ZFR2: variants seen among roughly 807,000 people sequenced by gnomAD.
ZFR2 encodes zinc finger RNA binding protein 2.
A neutral mutation model predicts 105.7 loss-of-function variants in ZFR2; 104 were observed. That is an observed-to-expected ratio of 0.98 (90% CI 0.84 to 1.16). The LOEUF (loss-of-function observed/expected upper bound fraction) is 1.16, where lower values mean the gene tolerates loss of function less well. ZFR2 is among the 50% of genes most tolerant of loss of function. The probability of loss-of-function intolerance (pLI) is 0.00; values close to 1 mark genes in which losing one functional copy is unlikely to be tolerated. For missense variants in ZFR2, 1,425 were observed against 1,355.5 expected, an observed-to-expected ratio of 1.05 and a Z score of -0.80; for synonymous variants, 634 against 597.7, an observed-to-expected ratio of 1.06 and a Z score of -0.89.
intron 3 of ZFR2, among the ~76,000 whole-genome samples, chr19:3,832,129 A>C (rs150576490): frequency 2.6e-5 from 4 of 152,060 alleles, no homozygotes; most frequent in Non-Finnish European, 5.9e-5. Flanking sequence ...GCTCCTCTGC[A>C]TCTCCAGCTC....
At chr19:3,857,258 T>C (rs1044973583) in intron 1 of ZFR2, among the ~76,000 whole-genome samples, 2 of 151,738 alleles carry the variant, frequency 1.3e-5, no homozygotes, top group Non-Finnish European at 2.9e-5. Flanking sequence ...CAGCGGAATC[T>C]CCCACTTTTA....
Position 3,838,616 on chromosome 19 carries a change from AG to A in ZFR2, c.54-3634del, listed in dbSNP as rs1458909150. ...CCATCTCCTGCTCAAAGCCCTCCCA[AG>A]GCCCTGCCACAGCCACATCCCACCG... On this transcript the variant is annotated intron_variant, in intron 1 of 18. Transcript: ENST00000262961. This position sits in a 1 kb window ranked among gnomAD's most constrained non-coding sequence, Gnocchi z 4.9. Among the ~76,000 whole-genome samples the A allele has an allele frequency of 6.6e-6, 1 of 152,018 alleles. No homozygotes were observed. The highest frequency in any genetic ancestry group is 6.6e-5 in the Admixed American group (1 of 15,240).
chr19:3,841,116 G>A (rs1213579439), intron 1 of ZFR2, among the ~76,000 whole-genome samples: 1 of 152,194 alleles, frequency 6.6e-6, no homozygotes, highest in African/African-American at 2.4e-5. Context: ...GGCAAAAGGC[G>A]ACCACGTCAG....
intron 12 of ZFR2, 88 bp downstream of exon 12, chr19:3,818,957 G>A: frequency 6.7e-7 from 1 of 1,489,024 alleles, no homozygotes; most frequent in Non-Finnish European, 9.0e-7. Context: ...GCCCATCAGA[G>A]CTAGGGGTTC....
intron 1 of ZFR2, chr19:3,852,319 G>A: frequency 1.6e-6 from 1 of 619,052 alleles, no homozygotes; most frequent in Non-Finnish European, 2.9e-6. Flanking sequence ...CAATCCTGGT[G>A]GAGGTGGGCC....
chr19:3,819,839 T>G, intron 11 of ZFR2, among the ~76,000 whole-genome samples: 1 of 71,620 alleles, frequency 1.4e-5, no homozygotes, highest in African/African-American at 5.4e-5. Context: ...GGCGACAGAG[T>G]GAGACTCTGT....
chr19:3,827,607 G>T lies in ZFR2; in HGVS notation c.899C>A (p.Ala300Glu). 6.3e-7 allele frequency: 1 copy of T among 1,581,350 alleles called. No individual in the cohort carries two copies. Among genetic ancestry groups the T allele is most frequent in the Non-Finnish European group, 8.6e-7 (1 of 1,164,264 alleles). The change falls in exon 6 of 19, where the codon GCG becomes GAG. Residue 300 changes from alanine (A) to glutamate (E), a missense_variant. Transcript: ENST00000262961. ...LGGQKHRKKEAAQKTGVQPNG... is the reference protein window; with the variant it reads ...LGGQKHRKKEEAQKTGVQPNG... ...GGGCTGCACGCCTGTCTTCTGGGCC[G>T]CCTCCTTCTTTCTGTGCTTCTGCCC...
chr19:3,809,467 C>T (rs1051159644), intron 16 of ZFR2, among the ~76,000 whole-genome samples: 2 of 152,148 alleles, frequency 1.3e-5, no homozygotes, highest in South Asian at 2.1e-4. Context: ...CCCGAGGGCA[C>T]GAGGGGACAG....
chr19:3,847,911 G>A (rs1006307317), intron 1 of ZFR2, among the ~76,000 whole-genome samples: 2 of 152,184 alleles, frequency 1.3e-5, no homozygotes, highest in South Asian at 2.1e-4. Context: ...TACAGGAGAG[G>A]GGCGGAGTCC....
At chr19:3,841,720 G>A (rs1026291614) in intron 1 of ZFR2, among the ~76,000 whole-genome samples, 9 of 151,860 alleles carry the variant, frequency 5.9e-5, no homozygotes, top group Non-Finnish European at 1.0e-4. Context: ...CGGGAGGATC[G>A]CTTGAGCCCA....
At chr19:3,811,604 G>A (rs747470992) in intron 14 of ZFR2, among the ~76,000 whole-genome samples, 8 of 150,896 alleles carry the variant, frequency 5.3e-5, no homozygotes, top group Non-Finnish European at 1.0e-4. Context: ...ACAGGTGCCC[G>A]CCACCACATC....
At chr19:3,840,442 G>T (rs2038123431) in intron 1 of ZFR2, among the ~76,000 whole-genome samples, 1 of 152,018 alleles carries the variant, frequency 6.6e-6, no homozygotes, top group Non-Finnish European at 1.5e-5. Flanking sequence ...TCACCATGTT[G>T]GCCAGGCTGG....
Position 3,865,612 on chromosome 19 carries a change from C to T in ZFR2, c.53+3353G>A, listed in dbSNP as rs1170484139. ...GGCTCAAGTGATCCTCCTGTCTTGG[C>T]CTTCGAAAGTGCTGGAGCGACAGGC... On this transcript the variant is annotated intron_variant, in intron 1 of 18. Coordinates refer to ENST00000262961, the MANE Select transcript of ZFR2 (RefSeq NM_015174.2). Among the ~76,000 whole-genome samples, 3 of 152,140 alleles carry T rather than the reference C, an allele frequency of 2.0e-5. No homozygotes were observed. The East Asian group carries it at 5.8e-4, about 29-fold the overall frequency.
intron 13 of ZFR2, among the ~76,000 whole-genome samples, chr19:3,814,629 A>G: frequency 6.6e-6 from 1 of 152,128 alleles, no homozygotes; most frequent in South Asian, 2.1e-4. Flanking sequence ...ATACATTCTC[A>G]TGGGGCTCAG....
chr19:3,833,629 CCT>C (rs1179452712), intron 3 of ZFR2, 33 bp downstream of exon 3: 2 of 1,496,698 alleles, frequency 1.3e-6, no homozygotes, highest in African/African-American at 2.8e-5. Flanking sequence ...GGGAGCGTCT[CCT>C]CGTTCCCAGC....
intron 1 of ZFR2, among the ~76,000 whole-genome samples, chr19:3,837,414 G>A (rs905350678): frequency 4.7e-5 from 7 of 150,090 alleles, no homozygotes; most frequent in African/African-American, 1.8e-4. Flanking sequence ...CACCGTGACT[G>A]TGGAACTTGA....
rs1329167377 is a variant in ZFR2 at position 3,818,036 on chromosome 19, GA to G, written c.1931+1008del. Among the ~76,000 whole-genome samples the G allele has an allele frequency of 9.9e-5, 15 of 152,258 alleles. 1 individual carries two copies. The South Asian group carries it at 1.9e-3, about 19-fold the overall frequency. On this transcript the variant is annotated intron_variant, in intron 12 of 18. Coordinates refer to ENST00000262961, the MANE Select transcript of ZFR2 (RefSeq NM_015174.2). The stretch of plus-strand genomic sequence containing the variant: ...AAGAGGAGTTTGCTTAATTGGGACA[GA>G]GCTTCTGTTTGGGAAGATGAGACAG...
intron 11 of ZFR2, 82 bp from the exon 12 acceptor site, chr19:3,819,317 G>T: frequency 7.2e-7 from 1 of 1,382,720 alleles, no homozygotes; most frequent in South Asian, 1.5e-5. Context: ...GTGGGGGCAG[G>T]TGGCCGTGGC....
In ZFR2 at chr19:3,856,249, G is replaced by A. The variant is rs142618610; in HGVS notation, c.53+12716C>T. On this transcript the variant is annotated intron_variant, in intron 1 of 18. Transcript: ENST00000262961. ...AGGGGTTTTGGAGAAGCGTGCAGGC[G>A]CTTGGACTTGGATATGATCAGCCTG... 1.1e-4 allele frequency among the ~76,000 whole-genome samples: 16 copies of A among 152,302 alleles called. 1 individual carries two copies. The East Asian group carries it at 2.7e-3, about 26-fold the overall frequency.
Sources: allele counts gnomAD v4.1 joint callset (sites outside exome capture counted in the v4.1 genomes callset), GRCh38; gene constraint gnomAD v4.1.1; non-coding constraint Gnocchi (gnomAD v3.1); transcripts MANE v1.5; gene names NCBI Gene and HGNC (gene_info 2026-07-23, HGNC 2026-07-21).